ARHGAP29: variants seen among roughly 807,000 people sequenced by gnomAD.
ARHGAP29 encodes Rho GTPase activating protein 29, also known as rho GTPase-activating protein 29.
ARHGAP29 carries 43 observed loss-of-function variants against 122.6 expected under a neutral mutation model. That is an observed-to-expected ratio of 0.35 (90% CI 0.27 to 0.45). ARHGAP29 has a LOEUF of 0.45. Ranked by LOEUF, ARHGAP29 falls within the 20% of genes least tolerant of loss-of-function variation. The pLI is 1.00. For missense variants in ARHGAP29, 1,303 were observed against 1,477.2 expected, an observed-to-expected ratio of 0.88 and a Z score of 1.93; for synonymous variants, 506 against 497.1, an observed-to-expected ratio of 1.02 and a Z score of -0.24.
At chr1:94,285,431 A>G in the ARHGAP29 span, among the ~76,000 whole-genome samples, 1 of 152,214 alleles carries the variant, frequency 6.6e-6, no homozygotes, top group Non-Finnish European at 1.5e-5. Flanking sequence ...AGAGCATGAT[A>G]AGAGCTGTAA....
chr1:94,279,505 A>T (rs1049911961), upstream of ARHGAP29, among the ~76,000 whole-genome samples: 1 of 152,174 alleles, frequency 6.6e-6, no homozygotes, highest in South Asian at 2.1e-4. Flanking sequence ...TACTTTTCAG[A>T]TCATATCAAA....
chr1:94,220,182 T>C, intron 3 of ARHGAP29, 76 bp downstream of exon 3: 1 of 1,512,572 alleles, frequency 6.6e-7, no homozygotes, highest in South Asian at 1.2e-5. Flanking sequence ...ATTGGCTATA[T>C]ATTCACTATA....
At chr1:94,188,727 C>T (rs900437763) in intron 15 of ARHGAP29, 110 bp downstream of exon 15, 17 of 864,778 alleles carry the variant, frequency 2.0e-5, no homozygotes, top group African/African-American at 1.9e-4. Context: ...GTACACTTTC[C>T]TCTCTATTAT....
the ARHGAP29 span, among the ~76,000 whole-genome samples, chr1:94,293,721 A>G: frequency 6.6e-6 from 1 of 152,110 alleles, no homozygotes; most frequent in South Asian, 2.1e-4. Flanking sequence ...ATAGCGGGGG[A>G]GGTGTGCAGG....
At chr1:94,196,768 C>T (rs1650505197) in intron 12 of ARHGAP29, among the ~76,000 whole-genome samples, 1 of 152,088 alleles carries the variant, frequency 6.6e-6, no homozygotes, top group Non-Finnish European at 1.5e-5. Flanking sequence ...AATTAAACAA[C>T]AGACTTCTAC....
chr1:94,274,872 G>C (rs2100739247), intron 1 of ARHGAP29: 1 of 152,330 alleles, frequency 6.6e-6, no homozygotes. Flanking sequence ...TCATGAACCA[G>C]GGCCTGCCAA....
At chr1:94,281,471 A>G in the ARHGAP29 span, among the ~76,000 whole-genome samples, 1 of 152,190 alleles carries the variant, frequency 6.6e-6, no homozygotes, top group Non-Finnish European at 1.5e-5. Context: ...CTTGAGATCA[A>G]CACCGTCAGT....
chr1:94,265,046 G>A (rs1654708658), intron 1 of ARHGAP29, among the ~76,000 whole-genome samples: 1 of 152,206 alleles, frequency 6.6e-6, no homozygotes, highest in South Asian at 2.1e-4. Context: ...AATATGAAAG[G>A]AGTGTATTAA....
chr1:94,301,160 CTCTCGATGTTTTCCTCTTTT>C, the ARHGAP29 span, among the ~76,000 whole-genome samples: 7,417 of 152,252 alleles, frequency 0.049, 627 homozygotes, highest in African/African-American at 0.17. Context: ...CACAGAAAGA[CTCTCGATGTTTTCCTCTTTT>C]TCACATCACA....
At chr1:94,285,302 A>G in the ARHGAP29 span, among the ~76,000 whole-genome samples, 2 of 152,122 alleles carry the variant, frequency 1.3e-5, no homozygotes, top group Admixed American at 1.3e-4. Context: ...AGCATCAACA[A>G]TGAGTTGAGT....
chr1:94,296,146 A>C, the ARHGAP29 span, among the ~76,000 whole-genome samples: 46 of 152,328 alleles, frequency 3.0e-4, no homozygotes, highest in South Asian at 1.4e-3. Context: ...ACAATTCATA[A>C]GTTTTAAATT....
chr1:94,215,870 A>C (rs1183076486), intron 3 of ARHGAP29, among the ~76,000 whole-genome samples: 1 of 152,192 alleles, frequency 6.6e-6, no homozygotes, highest in African/African-American at 2.4e-5. Context: ...CTAAAAGGAG[A>C]CCTACCAGCA....
chr1:94,260,476 G>A (rs957987956), intron 1 of ARHGAP29, among the ~76,000 whole-genome samples: 5 of 152,150 alleles, frequency 3.3e-5, no homozygotes, highest in African/African-American at 9.7e-5. Flanking sequence ...TCAAATTTGG[G>A]TATCTGGTCC....
At chr1:94,238,797 A>G (rs776490529), upstream of ARHGAP29, among the ~76,000 whole-genome samples, 40 of 152,334 alleles carry the variant, frequency 2.6e-4, no homozygotes, top group Non-Finnish European at 4.7e-4. Context: ...ACAGAAAAGT[A>G]AGTGAGCATG....
chr1:94,234,812 C>T (rs1216491964), intron 1 of ARHGAP29, among the ~76,000 whole-genome samples: 1 of 152,108 alleles, frequency 6.6e-6, no homozygotes, highest in Non-Finnish European at 1.5e-5. Flanking sequence ...TACTTAATAA[C>T]GTCATTCTGT....
the ARHGAP29 span, among the ~76,000 whole-genome samples, chr1:94,296,498 A>G: frequency 1.3e-5 from 2 of 152,246 alleles, no homozygotes. Flanking sequence ...TAGTATATAT[A>G]GGGTTTAATG....
rs1655111583 is a variant in ARHGAP29, at chr1:94,274,502, A to T, written c.-33+510T>A. On this transcript the variant is annotated intron_variant and NMD_transcript_variant, in intron 1 of 25. Coordinates refer to the ARHGAP29 transcript ENST00000552844. ...AGCTACAAAACTTATTCCTTCAGCA[A>T]ATATCAGTCAAGTGCTTATTGCTGG... Among the ~76,000 whole-genome samples, 6 of 152,348 alleles carry T rather than the reference A, an allele frequency of 3.9e-5. 1 individual carries two copies. The South Asian group carries it at 1.2e-3, about 32-fold the overall frequency.
chr1:94,172,774 C>A lies in ARHGAP29; in HGVS notation c.*1095G>T, dbSNP rs550642749. The stretch of plus-strand genomic sequence containing the variant: ...CAGAAAATAACAGGAATGTACTAGT[C>A]CTAAAAACTGGACCTTTTATAAATG... On this transcript the variant is annotated 3_prime_UTR_variant, in exon 23 of 23. Transcript: ENST00000260526. The A allele has an allele frequency of 6.6e-6, 1 of 152,496 alleles. No homozygotes were observed. Among genetic ancestry groups the A allele is most frequent in the East Asian group, 1.9e-4 (1 of 5,182 alleles). The allele number at this position is 152,496 out of a possible 1,614,324, so 9.4% of individuals were successfully genotyped here.
intron 3 of ARHGAP29, among the ~76,000 whole-genome samples, chr1:94,218,759 A>C (rs1652107547): frequency 6.6e-6 from 1 of 152,232 alleles, no homozygotes; most frequent in African/African-American, 2.4e-5. Flanking sequence ...GAAAAAAGGA[A>C]ACCACACAAA....
Sources: allele counts gnomAD v4.1 joint callset (sites outside exome capture counted in the v4.1 genomes callset), GRCh38; gene constraint gnomAD v4.1.1; transcripts MANE v1.5; gene names NCBI Gene and HGNC (gene_info 2026-07-23, HGNC 2026-07-21).